The following ZBTB7C variants were observed in gnomAD, a reference collection of about 807,000 sequenced individuals.
ZBTB7C encodes zinc finger and BTB domain-containing protein 7C.
A neutral mutation model predicts 25.7 loss-of-function variants in ZBTB7C; 8 were observed. The ratio of observed to expected loss-of-function variants is 0.31; its 90% CI spans 0.18 to 0.56. The LOEUF is 0.56. Ranked by LOEUF, ZBTB7C falls within the 20% of genes least tolerant of loss-of-function variation. The pLI is 0.91. For synonymous variants in ZBTB7C, 394 were observed against 369.0 expected (o/e 1.07, Z -0.78); for missense variants, 824 against 855.2 (o/e 0.96, Z 0.46).
intron 2 of ZBTB7C, among the ~76,000 whole-genome samples, chr18:48,217,236 C>G (rs1893836): frequency 0.069 from 10,567 of 152,224 alleles, 734 homozygotes; most frequent in African/African-American, 0.18. Context: ...GCAGCCTGAG[C>G]AAACGAAAAC....
At chr18:48,191,739 G>A (rs949918292) in intron 2 of ZBTB7C, among the ~76,000 whole-genome samples, 10 of 152,220 alleles carry the variant, frequency 6.6e-5, no homozygotes, top group Non-Finnish European at 1.3e-4. Context: ...AGGCCCGGGG[G>A]TTGTCCAGCT....
intron 1 of ZBTB7C, among the ~76,000 whole-genome samples, chr18:48,389,244 T>TCTCTC (rs1599021222): frequency 5.2e-5 from 6 of 114,934 alleles, no homozygotes; most frequent in African/African-American, 1.7e-4. Context: ...CTCGTGTGTG[T>TCTCTC]GTGTGTGTGT....
At chr18:48,191,486 C>T (rs1161088186) in intron 2 of ZBTB7C, among the ~76,000 whole-genome samples, 1 of 152,252 alleles carries the variant, frequency 6.6e-6, no homozygotes, top group Non-Finnish European at 1.5e-5. Context: ...TGCAGGACCT[C>T]AGCTGGGGCC....
intron 3 of ZBTB7C, among the ~76,000 whole-genome samples, chr18:48,161,485 C>A (rs1455157295): frequency 6.6e-6 from 1 of 152,074 alleles, no homozygotes; most frequent in African/African-American, 2.4e-5. Context: ...CTGGGCAGCA[C>A]CCCAGTTCGC....
rs549142647 is a variant in ZBTB7C at position 48,348,068 on chromosome 18, A to T, written c.-303-9670T>A. On this transcript the variant is annotated intron_variant, in intron 1 of 4. Coordinates refer to ENST00000590800, the MANE Select transcript of ZBTB7C (RefSeq NM_001318841.2). ...AATAGCATGAGCCTTGCAAAATAAT[A>T]ACTACCAAGAGCCAGGCATTTTCCA... is the stretch of plus-strand genomic sequence containing the variant. Among the ~76,000 whole-genome samples the T allele has an allele frequency of 3.1e-3, 469 of 152,332 alleles. 4 individuals are homozygous for T. The highest frequency in any genetic ancestry group is 0.011 in the African/African-American group (441 of 41,570).
chr18:48,039,751 G>A, intron 4 of ZBTB7C, 149 bp downstream of exon 4: 9 of 780,888 alleles, frequency 1.2e-5, no homozygotes, highest in Non-Finnish European at 1.7e-5. Flanking sequence ...ACAGCACCAG[G>A]TGATGCCTAG....
chr18:48,333,593 C>A (rs1245429595), intron 2 of ZBTB7C, among the ~76,000 whole-genome samples: 1 of 152,178 alleles, frequency 6.6e-6, no homozygotes, highest in Non-Finnish European at 1.5e-5. Context: ...GTGACACCCC[C>A]CTCTGCATTG....
chr18:48,093,278 T>C (rs1370301359), intron 3 of ZBTB7C, among the ~76,000 whole-genome samples: 1 of 152,178 alleles, frequency 6.6e-6, no homozygotes, highest in Non-Finnish European at 1.5e-5. Flanking sequence ...CCTGACCTCC[T>C]GCCTCAAGCT....
chr18:48,363,955 C>A (rs1444489596), intron 1 of ZBTB7C, among the ~76,000 whole-genome samples: 1 of 152,116 alleles, frequency 6.6e-6, no homozygotes, highest in Non-Finnish European at 1.5e-5. Context: ...CCCATACCCA[C>A]TCCACCCCTC....
At chr18:48,177,519 G>A (rs1441392964) in intron 3 of ZBTB7C, among the ~76,000 whole-genome samples, 2 of 152,112 alleles carry the variant, frequency 1.3e-5, no homozygotes, top group African/African-American at 4.8e-5. Flanking sequence ...TGTGTTCCTG[G>A]CAAAAGGAAC....
chr18:48,213,817 G>A lies in ZBTB7C; in HGVS notation c.-78-27822C>T, dbSNP rs1438404197. On this transcript the variant is annotated intron_variant, in intron 2 of 4. Transcript: ENST00000590800. ...GGGCACTAAGAAGAAACTGGCTAAC[G>A]GGCAATGTCAGAGCAAAGGAGCCCC... is the stretch of plus-strand genomic sequence containing the variant. Among the ~76,000 whole-genome samples the A allele has an allele frequency of 9.2e-5, 14 of 152,316 alleles. No homozygotes were observed. In the South Asian group the frequency reaches 1.7e-3, roughly 18 times the overall value.
chr18:48,350,786 T>C (rs1423323282), intron 1 of ZBTB7C, among the ~76,000 whole-genome samples: 1 of 152,208 alleles, frequency 6.6e-6, no homozygotes, highest in East Asian at 1.9e-4. Context: ...ACACCCATGG[T>C]ACAGTACCAT....
In ZBTB7C at chr18:48,162,690, T is replaced by C. The variant is rs537418497; in HGVS notation, c.-17+23244A>G. 1.1e-4 allele frequency among the ~76,000 whole-genome samples: 16 copies of C among 152,336 alleles called. No homozygotes were observed. In the South Asian group the frequency reaches 2.3e-3, roughly 22 times the overall value. On this transcript the variant is annotated intron_variant, in intron 3 of 4. Transcript: ENST00000590800. The stretch of plus-strand genomic sequence containing the variant: ...ACCTTGTAAAATTCTGTCTCCTCTC[T>C]GAGCTGAAGTTCCCCCACAGGAAAA...
At chr18:48,292,406 G>T (rs1369096798) in intron 2 of ZBTB7C, among the ~76,000 whole-genome samples, 1 of 152,124 alleles carries the variant, frequency 6.6e-6, no homozygotes, top group Non-Finnish European at 1.5e-5. Flanking sequence ...TTAGGCCTGT[G>T]TGACTCCAGA....
At chr18:48,101,697 G>A (rs1193619263) in intron 3 of ZBTB7C, among the ~76,000 whole-genome samples, 3 of 152,320 alleles carry the variant, frequency 2.0e-5, no homozygotes, top group African/African-American at 7.2e-5. Context: ...TGAGGCAAAG[G>A]TTAAGTAACT....
intron 1 of ZBTB7C, among the ~76,000 whole-genome samples, chr18:48,399,892 C>A (rs9807127): frequency 0.08 from 12,221 of 152,178 alleles, 640 homozygotes; most frequent in South Asian, 0.12. Flanking sequence ...AACACACCTG[C>A]TGCTTTTTCC....
At chr18:48,214,800 A>G (rs571047699) in intron 2 of ZBTB7C, among the ~76,000 whole-genome samples, 16 of 152,182 alleles carry the variant, frequency 1.1e-4, no homozygotes, top group Non-Finnish European at 2.2e-4. Context: ...ATAATATTCT[A>G]TTTTATGTAT....
chr18:48,228,905 T>C (rs1332370775), intron 2 of ZBTB7C, among the ~76,000 whole-genome samples: 2 of 151,912 alleles, frequency 1.3e-5, no homozygotes, highest in Non-Finnish European at 2.9e-5. Flanking sequence ...ATATTTCTGT[T>C]CCCTTCTCTC....
intron 1 of ZBTB7C, among the ~76,000 whole-genome samples, chr18:48,365,146 G>A (rs1381260113): frequency 2.0e-5 from 3 of 152,234 alleles, no homozygotes; most frequent in African/African-American, 7.2e-5. Flanking sequence ...ATACAGTGAT[G>A]TGTTTAATCC....
Sources: gnomAD v4.1 joint callset for allele counts (sites outside exome capture counted in the v4.1 genomes callset) on GRCh38, gnomAD v4.1.1 for gene constraint, MANE v1.5 for transcripts, NCBI Gene and HGNC (gene_info 2026-07-23, HGNC 2026-07-21) for gene names.